Variants in LYST observed in about 807,000 individuals in gnomAD.
LYST encodes lysosomal-trafficking regulator.
A neutral mutation model predicts 413.6 loss-of-function variants in LYST; 192 were observed. The ratio of observed to expected loss-of-function variants is 0.46; its 90% CI spans 0.41 to 0.52. The LOEUF (loss-of-function observed/expected upper bound fraction) is 0.52, where lower values mean the gene tolerates loss of function less well. Ranked by LOEUF, LYST falls within the 20% of genes least tolerant of loss-of-function variation. The pLI is 0.00. For missense variants in LYST, 3,815 were observed against 4,499.9 expected (o/e 0.85, Z 4.35); for synonymous variants, 1,525 against 1,567.3 (o/e 0.97, Z 0.64).
intron 34 of LYST, 106 bp downstream of exon 34, chr1:235,733,397 T>G: frequency 1.0e-6 from 1 of 954,400 alleles, no homozygotes; most frequent in Non-Finnish European, 1.6e-6. Context: ...AAAAATTGTT[T>G]AATGAAATGA....
rs748245362 is a variant in LYST at position 235,808,583 on chromosome 1, T to C, written c.2235A>G (p.Leu745=). 2.5e-6 allele frequency: 4 copies of C among 1,614,098 alleles called. No homozygotes were observed. In the East Asian group the frequency reaches 8.9e-5, roughly 36 times the overall value. ...CGCTTAGGTGTTGACAATGATGTGC[T>C]AATTCAACTCCTCTTTGGAGCACAG... ...FNPVLQRGVE[L]AHHCQHLSVT... Residue 745 remains leucine, a synonymous_variant, in exon 5 of 53, where the codon TTA becomes TTG. Coordinates refer to ENST00000389793, the MANE Select transcript of LYST (RefSeq NM_000081.4).
chr1:235,737,916 A>ACCAGGAAG, intron 31 of LYST: 1 of 1,163,404 alleles, frequency 8.6e-7, no homozygotes, highest in South Asian at 3.9e-5. Context: ...GCTGCCGACG[A>ACCAGGAAG]GTCTGGATCT....
chr1:235,847,247 T>A (rs987230698), intron 1 of LYST, among the ~76,000 whole-genome samples: 2 of 152,100 alleles, frequency 1.3e-5, no homozygotes, highest in African/African-American at 4.8e-5. Context: ...AAAACAATTA[T>A]CAGCCAAGAA....
intron 50 of LYST, among the ~76,000 whole-genome samples, chr1:235,676,248 G>A (rs1347091214): frequency 6.6e-6 from 1 of 152,166 alleles, no homozygotes; most frequent in African/African-American, 2.4e-5. Flanking sequence ...ATATATTCAA[G>A]CTGGTCATCT....
chr1:235,827,946 T>A, intron 3 of LYST: 1 of 460,992 alleles, frequency 2.2e-6, no homozygotes, highest in Non-Finnish European at 2.8e-6. Flanking sequence ...AACCTGACCT[T>A]AAAAATGGTA....
At position 235,746,502 on chromosome 1, in the gene LYST, T is replaced by C. The variant is rs372754364; in HGVS notation, c.7806A>G (p.Gln2602=). 2.4e-4 allele frequency: 380 copies of C among 1,613,534 alleles called. No individual in the cohort carries two copies. The highest frequency in any genetic ancestry group is 3.1e-4 in the Non-Finnish European group (364 of 1,179,766). The change falls in exon 29 of 53, where the codon CAA becomes CAG. Residue 2602 remains glutamine, a synonymous_variant. Coordinates refer to ENST00000389793, the MANE Select transcript of LYST (RefSeq NM_000081.4). The part of the protein sequence containing the change: ...IAGPRKFPLA[Q]TESLLMKMRS... ...GCATTTTCATCAGAAGCGATTCAGT[T>C]TGAGCAAGGGGAAATTTTCGAGGAC... is the stretch of plus-strand genomic sequence containing the variant.
In LYST at chr1:235,806,509, G is replaced by C. The variant is rs755098509; in HGVS notation, c.2627C>G (p.Ala876Gly). 8 of 1,614,040 alleles carry C rather than the reference G, an allele frequency of 5.0e-6. No individual in the cohort carries two copies. In the South Asian group the frequency reaches 8.8e-5, roughly 18 times the overall value. ...DSPQSLSKFYAGLKEAYPKRR... is the reference protein window; with the variant it reads ...DSPQSLSKFYGGLKEAYPKRR... ...CTTTGGATAAGCTTCTTTGAGGCCA[G>C]CATAAAATTTGCTGAGACTCTGAGG... The change falls in exon 6 of 53, where the codon GCT becomes GGT. Residue 876 changes from alanine to glycine, a missense_variant. Around this residue, in one of 4 missense-constraint regions of LYST, gnomAD observed 1,648 missense variants for 1,810.3 expected, o/e 0.91. Transcript: ENST00000389793.
chr1:235,682,356 A>G (rs1007556120), intron 48 of LYST, among the ~76,000 whole-genome samples: 5 of 152,164 alleles, frequency 3.3e-5, no homozygotes, highest in Non-Finnish European at 5.9e-5. Context: ...GAGAAGAGCA[A>G]CAAGGAAAGG....
intron 44 of LYST, among the ~76,000 whole-genome samples, chr1:235,706,945 G>T (rs761583959): frequency 1.3e-5 from 2 of 152,164 alleles, no homozygotes; most frequent in African/African-American, 2.4e-5. Flanking sequence ...ATATGGAGTG[G>T]TCTACTGTAG....
chr1:235,764,495 C>CTTTTTTTTTTTTTTTTTTTTTTTTTTTTT (rs1020736833), intron 21 of LYST, among the ~76,000 whole-genome samples: 3 of 97,948 alleles, frequency 3.1e-5, no homozygotes, highest in Non-Finnish European at 6.2e-5. Flanking sequence ...TTTTTCTTTT[C>CTTTTTTTTTTTTTTTTTTTTTTTTTTTTT]TTTTTTTTTT....
chr1:235,767,998 T>C (rs1412169274), intron 20 of LYST, among the ~76,000 whole-genome samples: 5 of 152,096 alleles, frequency 3.3e-5, no homozygotes, highest in Admixed American at 6.6e-5. Context: ...TCTCTTTCAA[T>C]AGCCCCTTTT....
intron 28 of LYST, chr1:235,747,140 A>T: frequency 2.8e-6 from 1 of 362,018 alleles, no homozygotes; most frequent in Non-Finnish European, 5.6e-6. Flanking sequence ...CTGAACAGAG[A>T]GGAGTGGCAT....
intron 5 of LYST, 56 bp from the exon 6 acceptor site, chr1:235,806,828 A>G: frequency 9.2e-7 from 1 of 1,084,740 alleles, no homozygotes; most frequent in Non-Finnish European, 1.4e-6. Flanking sequence ...TCATTTATAA[A>G]TAGGTACATA....
chr1:235,724,639 T>A (rs780156955), intron 38 of LYST, among the ~76,000 whole-genome samples: 16 of 152,224 alleles, frequency 1.1e-4, no homozygotes. Context: ...CAAATAGTTT[T>A]ATTGCCCCAA....
intron 1 of LYST, among the ~76,000 whole-genome samples, chr1:235,873,419 T>A (rs1383728736): frequency 6.6e-6 from 1 of 152,174 alleles, no homozygotes; most frequent in Non-Finnish European, 1.5e-5. Flanking sequence ...TATGCTATAG[T>A]AATAAACTCA....
intron 3 of LYST, among the ~76,000 whole-genome samples, chr1:235,816,457 T>TAAATA (rs1558293896): frequency 3.9e-5 from 4 of 103,398 alleles, no homozygotes; most frequent in African/African-American, 2.0e-4. Flanking sequence ...AATAAATAAA[T>TAAATA]AAAAAATAAA....
intron 47 of LYST, among the ~76,000 whole-genome samples, chr1:235,688,679 G>T (rs140142230): frequency 6.6e-6 from 1 of 152,076 alleles, no homozygotes; most frequent in Non-Finnish European, 1.5e-5. Flanking sequence ...ATCTCAGAGC[G>T]TGAGTCTTTA....
intron 36 of LYST, 76 bp downstream of exon 36, chr1:235,730,771 A>G (rs1664313079): frequency 9.8e-7 from 1 of 1,021,788 alleles, no homozygotes; most frequent in African/African-American, 1.6e-5. Flanking sequence ...CATTATATAA[A>G]ATAAATATTA....
In LYST at chr1:235,810,056, T is replaced by C. The variant is rs112804460; in HGVS notation, c.762A>G (p.Pro254=). ...ATAACAAAACATGACATAAGTCAAA[T>C]GGAGAATTGTTCATGTTACTGATAA... is the stretch of plus-strand genomic sequence containing the variant. The part of the protein sequence containing the change: ...LSVISNMNNS[P]FDLCHVLLSL... The change falls in exon 5 of 53, where the codon CCA becomes CCG. Residue 254 remains proline, a synonymous_variant. Coordinates refer to ENST00000389793, the MANE Select transcript of LYST (RefSeq NM_000081.4). The C allele has an allele frequency of 5.0e-6, 8 of 1,614,040 alleles. No individual in the cohort carries two copies. In the African/African-American group the frequency reaches 5.3e-5, roughly 11 times the overall value.
Sources: allele counts gnomAD v4.1 joint callset (sites outside exome capture counted in the v4.1 genomes callset), GRCh38; gene constraint gnomAD v4.1.1; regional missense constraint gnomAD v4.1.1; transcripts MANE v1.5; gene names NCBI Gene and HGNC (gene_info 2026-07-23, HGNC 2026-07-21).